The following ANKRD31 variants were observed in gnomAD, a reference collection of about 807,000 sequenced individuals.
ANKRD31 encodes ankyrin repeat domain 31.
ANKRD31 carries 147 observed loss-of-function variants against 186.0 expected under a neutral mutation model. The observed-to-expected ratio is 0.79, with a 90% CI of 0.69 to 0.91. The LOEUF is 0.91. Ranked by LOEUF, ANKRD31 falls within the 40% of genes least tolerant of loss-of-function variation. The pLI, the probability that ANKRD31 is intolerant of heterozygous loss-of-function variation, is 0.00. For synonymous variants in ANKRD31, 673 were observed against 736.4 expected, an observed-to-expected ratio of 0.91 and a Z score of 1.39; for missense variants, 1,986 against 2,148.8, an observed-to-expected ratio of 0.92 and a Z score of 1.50.
At chr5:75,227,781 G>C (rs1757718999) in intron 2 of ANKRD31, among the ~76,000 whole-genome samples, 1 of 152,176 alleles carries the variant, frequency 6.6e-6, no homozygotes, top group Non-Finnish European at 1.5e-5. Flanking sequence ...TTATGAACCA[G>C]GCTGCACCGC....
chr5:75,210,883 AG>A lies in ANKRD31; in HGVS notation c.289-19del, dbSNP rs1561540088. On this transcript the variant is annotated intron_variant, in intron 3 of 25. Coordinates refer to ENST00000506364, the MANE Select transcript of ANKRD31 (RefSeq NM_001372053.1). ...TCTTGAGACTGCTAGGAAAAAAAAA[AG>A]TTTTTTCCAACTGATAAGTGTTAAT... 5 of 1,497,248 alleles carry A rather than the reference AG, an allele frequency of 3.3e-6. No homozygotes were observed. The South Asian group carries it at 6.5e-5, about 20-fold the overall frequency. The allele number at this position is 1,497,248 out of a possible 1,614,324, so 92.7% of individuals were successfully genotyped here.
intron 19 of ANKRD31, among the ~76,000 whole-genome samples, chr5:75,113,759 A>G (rs896544137): frequency 6.6e-6 from 1 of 152,224 alleles, no homozygotes; most frequent in Non-Finnish European, 1.5e-5. Context: ...TCATTTATTA[A>G]ATGCATCAAA....
At chr5:75,209,941 C>A (rs1756502970) in intron 4 of ANKRD31, among the ~76,000 whole-genome samples, 1 of 152,146 alleles carries the variant, frequency 6.6e-6, no homozygotes, top group Non-Finnish European at 1.5e-5. Context: ...GTTAAGACTC[C>A]AGCATTTTAC....
intron 10 of ANKRD31, among the ~76,000 whole-genome samples, chr5:75,175,377 T>C (rs1441319397): frequency 3.9e-5 from 6 of 152,060 alleles, no homozygotes; most frequent in African/African-American, 1.2e-4. Flanking sequence ...GCTTCAAGTA[T>C]ATTAAAAAAA....
chr5:75,230,664 GT>G (rs11295265), intron 1 of ANKRD31, 29 bp from the exon 2 acceptor site: 600,483 of 1,490,132 alleles, frequency 0.4, 130,061 homozygotes, highest in African/African-American at 0.82. Flanking sequence ...GAAGGCACAA[GT>G]TGTTAATGTG....
intron 20 of ANKRD31, among the ~76,000 whole-genome samples, chr5:75,109,646 A>C (rs1199549729): frequency 6.6e-6 from 1 of 152,158 alleles, no homozygotes; most frequent in Non-Finnish European, 1.5e-5. Context: ...GACCTTGAAA[A>C]ATGAGGAGCT....
chr5:75,149,054 G>GCCT, intron 12 of ANKRD31, among the ~76,000 whole-genome samples: 1 of 151,810 alleles, frequency 6.6e-6, no homozygotes, highest in Non-Finnish European at 1.5e-5. Context: ...ATTGAATGCT[G>GCCT]CATTCTCTTT....
chr5:75,169,373 T>C (rs1753154719), intron 10 of ANKRD31, among the ~76,000 whole-genome samples: 1 of 152,168 alleles, frequency 6.6e-6, no homozygotes, highest in Non-Finnish European at 1.5e-5. Flanking sequence ...TTGAAAGTAA[T>C]CTTGACCTCT....
At chr5:75,103,134 A>G (rs1042961289) in intron 22 of ANKRD31, among the ~76,000 whole-genome samples, 2 of 152,232 alleles carry the variant, frequency 1.3e-5, no homozygotes, top group African/African-American at 4.8e-5. Flanking sequence ...AATTTTCTGC[A>G]TATGGCTAGC....
chr5:75,164,559 A>C (rs977978282), intron 11 of ANKRD31, among the ~76,000 whole-genome samples: 1 of 152,184 alleles, frequency 6.6e-6, no homozygotes, highest in Non-Finnish European at 1.5e-5. Flanking sequence ...GTAAGTGTAG[A>C]TAGTTGGCGA....
At chr5:75,149,111 C>T in intron 12 of ANKRD31, among the ~76,000 whole-genome samples, 1 of 151,790 alleles carries the variant, frequency 6.6e-6, no homozygotes, top group East Asian at 1.9e-4. Flanking sequence ...CTTGTGAATG[C>T]ACAGGGGGAA....
chr5:75,145,894 T>G, intron 14 of ANKRD31, 93 bp downstream of exon 14: 2 of 1,113,404 alleles, frequency 1.8e-6, no homozygotes, highest in Non-Finnish European at 2.4e-6. Context: ...CTTCTCAGTT[T>G]GGCCATCGTT....
At chr5:75,177,325 G>A (rs989121298) in intron 10 of ANKRD31, among the ~76,000 whole-genome samples, 1 of 152,158 alleles carries the variant, frequency 6.6e-6, no homozygotes. Flanking sequence ...TATTATCCAG[G>A]AGAACTTCCC....
chr5:75,112,162 C>T (rs1370726030), intron 20 of ANKRD31, among the ~76,000 whole-genome samples: 11 of 152,092 alleles, frequency 7.2e-5, no homozygotes, highest in Non-Finnish European at 2.9e-5. Flanking sequence ...GCGATCTTGG[C>T]TCACTGTAAG....
Position 75,210,865 on chromosome 5 carries a change from A to C in ANKRD31, c.289T>G (p.Ser97Ala). ...PVLSEDTILQ[S>A]QDETERNQAL... ...TGATTTCGTTCTGTTTCATCTTGAG[A>C]CTGCTAGGAAAAAAAAAAGTTTTTT... The change falls in exon 4 of 26, where the codon TCT becomes GCT. Residue 97 changes from serine (S) to alanine (A), a missense_variant and splice_region_variant. By Grantham distance (99) the Ser-to-Ala change is moderately conservative. Transcript: ENST00000506364. 6.6e-7 allele frequency: 1 copy of C among 1,509,260 alleles called. No individual in the cohort carries two copies. The highest frequency in any genetic ancestry group is 8.8e-7 in the Non-Finnish European group (1 of 1,137,844). 93.5% of individuals were successfully genotyped at this position (1,509,260 alleles called of 1,614,324 possible). A position where few individuals can be genotyped will look rare whatever the true frequency, so the allele number is the denominator to read the frequency against.
chr5:75,118,346 A>G (rs755207591), intron 17 of ANKRD31, 49 bp from the exon 18 acceptor site: 2 of 1,336,886 alleles, frequency 1.5e-6, no homozygotes, highest in Non-Finnish European at 1.9e-6. Context: ...AAAGATGAAT[A>G]ATTTCTGTTT....
At chr5:75,129,040 G>A (rs553236802) in intron 17 of ANKRD31, among the ~76,000 whole-genome samples, 2 of 152,228 alleles carry the variant, frequency 1.3e-5, no homozygotes, top group East Asian at 1.9e-4. Flanking sequence ...TTGGAGGTGG[G>A]GTCTGGTGGG....
intron 25 of ANKRD31, among the ~76,000 whole-genome samples, chr5:75,075,035 C>T (rs1479674600): frequency 1.3e-5 from 2 of 152,142 alleles, no homozygotes; most frequent in Non-Finnish European, 2.9e-5. Context: ...AACATATATG[C>T]AGTTTATTAC....
At chr5:75,073,298 T>TA (rs58075823) in intron 25 of ANKRD31, among the ~76,000 whole-genome samples, 109 of 140,706 alleles carry the variant, frequency 7.7e-4, no homozygotes, top group East Asian at 1.2e-3. Flanking sequence ...CTCCATCTCT[T>TA]AAAAAAAAAA....
Sources: gnomAD v4.1 joint callset for allele counts (sites outside exome capture counted in the v4.1 genomes callset) on GRCh38, gnomAD v4.1.1 for gene constraint, MANE v1.5 for transcripts, NCBI Gene and HGNC (gene_info 2026-07-23, HGNC 2026-07-21) for gene names.